Variants in MORN4 observed in about 807,000 individuals in gnomAD.
The protein encoded by MORN4 is MORN repeat containing 4.
Under a neutral mutation model 16.4 loss-of-function variants are expected in MORN4, and 8 were observed. That is an observed-to-expected ratio of 0.49 (90% CI 0.29 to 0.88). MORN4 has a LOEUF of 0.88. Ranked by LOEUF, MORN4 falls within the 40% of genes least tolerant of loss-of-function variation. The pLI is 0.09. For missense variants in MORN4, 159 were observed against 182.9 expected, an observed-to-expected ratio of 0.87 and a Z score of 0.75; for synonymous variants, 53 against 68.9, an observed-to-expected ratio of 0.77 and a Z score of 1.14.
In MORN4 at chr10:97,617,361, G is replaced by T. The variant is rs368930621; in HGVS notation, c.68-39C>A. 1.2e-5 allele frequency: 18 copies of T among 1,525,540 alleles called. No homozygotes were observed. The African/African-American group carries it at 2.2e-4, about 19-fold the overall frequency. The allele number at this position is 1,525,540 out of a possible 1,614,324, so 94.5% of individuals were successfully genotyped here. ...AGGATAGGTGTCAGGTTGGAAGGAG[G>T]CAGCTTCAGGGTCCCTTCTTACTCT... On this transcript the variant is annotated intron_variant, in intron 2 of 4. Transcript: ENST00000307450.
chr10:97,622,662 C>A (rs111923685), intron 1 of MORN4, among the ~76,000 whole-genome samples: 1 of 144,004 alleles, frequency 6.9e-6, no homozygotes, highest in African/African-American at 2.8e-5. Context: ...CCACGACACT[C>A]CAGCCTGGGC....
In MORN4 at chr10:97,616,351, T is replaced by C. The variant is rs1344809329; in HGVS notation, c.353A>G (p.Asn118Ser). 3 of 1,613,318 alleles carry C rather than the reference T, an allele frequency of 1.9e-6. No homozygotes were observed. Among genetic ancestry groups the C allele is most frequent in the Admixed American group, 1.7e-5 (1 of 59,824 alleles). The change falls in exon 5 of 5, where the codon AAC becomes AGC. Residue 118 changes from asparagine (N) to serine (S), a missense_variant. Coordinates refer to ENST00000307450, the MANE Select transcript of MORN4 (RefSeq NM_178832.4). ...CTTCTCACGTCGCAGCAGCTTGTTG[T>C]TCTCAAAGAGACCTTCATTGCGGGG... ...GIPRNEGLFENNKLLRREKCS... is the reference protein window; with the variant it reads ...GIPRNEGLFESNKLLRREKCS...
intron 1 of MORN4, among the ~76,000 whole-genome samples, chr10:97,627,696 T>C (rs917912039): frequency 6.6e-6 from 1 of 152,200 alleles, no homozygotes; most frequent in Admixed American, 6.5e-5. Context: ...CATAGGACTT[T>C]CTCCCTTCTT....
chr10:97,626,754 ATTTT>A (rs536665432), intron 1 of MORN4, among the ~76,000 whole-genome samples: 36 of 110,972 alleles, frequency 3.2e-4, no homozygotes, highest in African/African-American at 8.7e-4. Flanking sequence ...CTGTGCCCAG[ATTTT>A]TTTTTTTTTT....
chr10:97,633,674 G>T (rs997374537), upstream of MORN4: 1 of 1,250,592 alleles, frequency 8.0e-7, no homozygotes. This position sits in a 1 kb window ranked among gnomAD's most constrained non-coding sequence, Gnocchi z 4.5. Flanking sequence ...TAAAGACAGA[G>T]GATCCAGATC....
At chr10:97,632,059 C>G (rs2041400585) in intron 1 of MORN4, among the ~76,000 whole-genome samples, 3 of 152,106 alleles carry the variant, frequency 2.0e-5, no homozygotes, top group African/African-American at 7.2e-5. Flanking sequence ...CAGAACCACC[C>G]TTCCCAGGGT....
chr10:97,632,366 G>A (rs1333051257), intron 1 of MORN4, among the ~76,000 whole-genome samples: 2 of 151,860 alleles, frequency 1.3e-5, no homozygotes, highest in African/African-American at 4.8e-5. Context: ...TTACAGGCAC[G>A]TGCCACCATG....
intron 1 of MORN4, among the ~76,000 whole-genome samples, chr10:97,631,314 C>T (rs2041393756): frequency 6.6e-6 from 1 of 152,180 alleles, no homozygotes; most frequent in South Asian, 2.1e-4. Flanking sequence ...ACCCTTTCTG[C>T]ACTCCTGATA....
intron 1 of MORN4, among the ~76,000 whole-genome samples, chr10:97,631,671 C>A (rs570283192): frequency 1.3e-5 from 2 of 151,468 alleles, no homozygotes; most frequent in African/African-American, 2.4e-5. Flanking sequence ...TGATGGCTCA[C>A]TCCTGTAATC....
rs752189786 is a variant in MORN4 at position 97,617,319 on chromosome 10, C to T, written c.71G>A (p.Arg24His). 53 of 1,613,682 alleles carry T rather than the reference C, an allele frequency of 3.3e-5. 1 individual carries two copies. The highest frequency in any genetic ancestry group is 3.1e-4 in the South Asian group (28 of 91,080). Residue 24 changes from arginine to histidine, a missense_variant, in exon 3 of 5, where the codon CGC becomes CAC. Physicochemically the swap from Arg to His is conservative, Grantham distance 29. Transcript: ENST00000307450. The stretch of plus-strand genomic sequence containing the variant: ...CATCAGTTGACCAAAACCATGCCTG[C>T]GGCCTGAACAAAGAGAAGGATAGGT... ...EEYRGEWKEGRRHGFGQLMFA... is the reference protein window; with the variant it reads ...EEYRGEWKEGHRHGFGQLMFA...
chr10:97,618,051 C>T (rs2041253190), intron 2 of MORN4, among the ~76,000 whole-genome samples: 2 of 149,552 alleles, frequency 1.3e-5, no homozygotes, highest in Non-Finnish European at 3.0e-5. Context: ...TGGTGGCGCG[C>T]TCCTGTAACC....
intron 1 of MORN4, among the ~76,000 whole-genome samples, chr10:97,626,800 C>G (rs1050966660): frequency 8.3e-5 from 12 of 144,362 alleles, no homozygotes; most frequent in Non-Finnish European, 1.3e-4. Context: ...TCCTGTGGCC[C>G]AGGCTGGAGT....
At chr10:97,629,068 T>C (rs2041372832) in intron 1 of MORN4, among the ~76,000 whole-genome samples, 1 of 152,150 alleles carries the variant, frequency 6.6e-6, no homozygotes, top group Non-Finnish European at 1.5e-5. Context: ...GGCTTGTGAC[T>C]GCTTGGACCA....
intron 4 of MORN4, 68 bp downstream of exon 4, chr10:97,616,610 C>A (rs1334904657): frequency 5.8e-6 from 8 of 1,385,028 alleles, no homozygotes; most frequent in Non-Finnish European, 8.2e-6. Flanking sequence ...AGGATTAAAA[C>A]TAAACAGGTA....
chr10:97,622,739 A>AC (rs1238556939), intron 1 of MORN4, among the ~76,000 whole-genome samples: 3 of 150,544 alleles, frequency 2.0e-5, no homozygotes, highest in Middle Eastern at 6.9e-3. Flanking sequence ...GAATTAAGAT[A>AC]CCCCCCAAAA....
intron 1 of MORN4, among the ~76,000 whole-genome samples, chr10:97,623,503 C>T (rs190861780): frequency 3.9e-5 from 6 of 152,284 alleles, no homozygotes; most frequent in African/African-American, 1.4e-4. Context: ...AGGCATCTGA[C>T]TGAGTTCCAA....
At chr10:97,621,277 G>T (rs1385968716) in intron 1 of MORN4, among the ~76,000 whole-genome samples, 1 of 152,112 alleles carries the variant, frequency 6.6e-6, no homozygotes, top group African/African-American at 2.4e-5. Context: ...TTCCTGTACA[G>T]CACAGCCTCT....
chr10:97,626,404 CATAAT>C (rs1564767763), intron 1 of MORN4, among the ~76,000 whole-genome samples: 1 of 120,624 alleles, frequency 8.3e-6, no homozygotes, highest in African/African-American at 4.3e-5. Flanking sequence ...TAATCATAAT[CATAAT>C]CATAATCATA....
chr10:97,626,118 C>T (rs1044085214), intron 1 of MORN4, among the ~76,000 whole-genome samples: 9 of 150,976 alleles, frequency 6.0e-5, no homozygotes, highest in African/African-American at 2.2e-4. Context: ...CAGTGGCTCA[C>T]GCCTGTAATC....
Sources: gnomAD v4.1 joint callset for allele counts (sites outside exome capture counted in the v4.1 genomes callset) on GRCh38, gnomAD v4.1.1 for gene constraint, Gnocchi (gnomAD v3.1) non-coding constraint, MANE v1.5 for transcripts, NCBI Gene and HGNC (gene_info 2026-07-23, HGNC 2026-07-21) for gene names.